Variants in SLC8A1 observed in about 807,000 individuals in gnomAD.
SLC8A1 encodes sodium/calcium exchanger 1.
In SLC8A1, 18 loss-of-function variants were observed where a neutral mutation model predicts 68.3. The ratio of observed to expected loss-of-function variants is 0.26; its 90% confidence interval spans 0.18 to 0.39. The LOEUF is 0.39. Among genes scored for constraint, SLC8A1 ranks in the 10% least tolerant of loss-of-function variants. The pLI is 1.00. For missense variants in SLC8A1, 985 were observed against 1,156.7 expected (o/e 0.85, Z 2.15); for synonymous variants, 475 against 415.5 (o/e 1.14, Z -1.74).
intron 2 of SLC8A1, among the ~76,000 whole-genome samples, chr2:40,239,609 A>G (rs1286843825): frequency 6.6e-6 from 1 of 152,198 alleles, no homozygotes; most frequent in East Asian, 1.9e-4. Flanking sequence ...CGTGAAATAC[A>G]GCCCTCTCTG....
intron 7 of SLC8A1, among the ~76,000 whole-genome samples, chr2:40,130,501 G>A (rs1230521831): frequency 3.3e-5 from 5 of 152,246 alleles, no homozygotes; most frequent in African/African-American, 4.8e-5. Context: ...GGGCTGTCCC[G>A]TGCTGCCCGT....
chr2:40,237,977 T>A (rs62148830), intron 2 of SLC8A1, among the ~76,000 whole-genome samples: 67,719 of 151,570 alleles, frequency 0.45, 16,520 homozygotes, highest in Non-Finnish European at 0.55. Flanking sequence ...GATCTCCAGC[T>A]GCGTGCTGGG....
chr2:40,434,360 T>C lies in SLC8A1; in HGVS notation c.-24-4056A>G, dbSNP rs77065113. On this transcript the variant is annotated intron_variant, in intron 1 of 7. Coordinates refer to ENST00000406785, the Ensembl canonical transcript of SLC8A1. ...ACTTAAATTTCTTTTTCTTATTAAA[T>C]TAATACCAAATTCAAATGCCCACGA... 1.6e-4 allele frequency among the ~76,000 whole-genome samples: 24 copies of C among 152,306 alleles called. No individual in the cohort carries two copies. The East Asian group carries it at 2.3e-3, about 15-fold the overall frequency.
At chr2:40,355,343 G>T (rs1672345298) in intron 2 of SLC8A1, among the ~76,000 whole-genome samples, 1 of 152,130 alleles carries the variant, frequency 6.6e-6, no homozygotes, top group African/African-American at 2.4e-5. Context: ...TCTGTAAAGT[G>T]GGGTACTCTA....
At chr2:40,505,314 T>C (rs1706303158) in intron 1 of SLC8A1, among the ~76,000 whole-genome samples, 1 of 151,886 alleles carries the variant, frequency 6.6e-6, no homozygotes, top group South Asian at 2.1e-4. Flanking sequence ...ACAATTTAAT[T>C]GTACATTTTA....
chr2:40,458,468 T>C (rs1426676097), intron 1 of SLC8A1, among the ~76,000 whole-genome samples: 1 of 151,062 alleles, frequency 6.6e-6, no homozygotes, highest in African/African-American at 2.4e-5. Flanking sequence ...CTGGTGTAGA[T>C]GGAAAGAAGG....
chr2:40,218,125 T>C (rs2057768757), intron 2 of SLC8A1, among the ~76,000 whole-genome samples: 1 of 152,186 alleles, frequency 6.6e-6, no homozygotes, highest in Non-Finnish European at 1.5e-5. Context: ...ACTGTAAGAC[T>C]GGCATTGTTA....
intron 2 of SLC8A1, among the ~76,000 whole-genome samples, chr2:40,420,047 T>C (rs1161326423): frequency 6.6e-6 from 1 of 152,160 alleles, no homozygotes; most frequent in Non-Finnish European, 1.5e-5. Flanking sequence ...TCATGTGATT[T>C]TAGGTAGAAT....
At chr2:40,416,862 C>T (rs913798219) in intron 2 of SLC8A1, among the ~76,000 whole-genome samples, 1 of 151,972 alleles carries the variant, frequency 6.6e-6, no homozygotes, top group Non-Finnish European at 1.5e-5. Context: ...CCAGCAACTA[C>T]TTTTGCACCA....
intron 1 of SLC8A1, among the ~76,000 whole-genome samples, chr2:40,431,627 C>T (rs543242945): frequency 6.6e-6 from 1 of 152,248 alleles, no homozygotes; most frequent in South Asian, 2.1e-4. Context: ...TCTCCCAGGC[C>T]TTGCAGGATG....
intron 2 of SLC8A1, among the ~76,000 whole-genome samples, chr2:40,321,441 A>G (rs1397683459): frequency 6.6e-6 from 1 of 152,144 alleles, no homozygotes; most frequent in East Asian, 1.9e-4. Flanking sequence ...GGCTCTCAGT[A>G]ACGCATGGGG....
intron 2 of SLC8A1, among the ~76,000 whole-genome samples, chr2:40,342,200 A>G (rs967570636): frequency 2.0e-5 from 3 of 152,128 alleles, no homozygotes; most frequent in African/African-American, 7.2e-5. Flanking sequence ...TTATGGCCCT[A>G]TAGATATTAA....
chr2:40,486,386 G>A (rs975736346), intron 1 of SLC8A1, among the ~76,000 whole-genome samples: 3 of 152,176 alleles, frequency 2.0e-5, no homozygotes, highest in Non-Finnish European at 2.9e-5. Context: ...GATATCCTCT[G>A]CTTCAGTATG....
intron 2 of SLC8A1, among the ~76,000 whole-genome samples, chr2:40,246,983 A>G (rs2061963229): frequency 6.6e-6 from 1 of 152,194 alleles, no homozygotes; most frequent in Non-Finnish European, 1.5e-5. Context: ...GGATTCTTTC[A>G]TCTTTTCTTA....
At chr2:40,369,054 C>T (rs990761174) in intron 2 of SLC8A1, among the ~76,000 whole-genome samples, 4 of 152,052 alleles carry the variant, frequency 2.6e-5, no homozygotes, top group African/African-American at 9.7e-5. Context: ...GGATTAAAGA[C>T]TTAAATGTAA....
intron 2 of SLC8A1, among the ~76,000 whole-genome samples, chr2:40,189,386 T>A (rs576809209): frequency 3.0e-4 from 46 of 152,344 alleles, no homozygotes; most frequent in African/African-American, 1.1e-3. Flanking sequence ...AGTGGTGCAA[T>A]CTCGGCTCAC....
At chr2:40,165,886 T>C (rs960127999) in intron 4 of SLC8A1, among the ~76,000 whole-genome samples, 2 of 152,202 alleles carry the variant, frequency 1.3e-5, no homozygotes, top group Non-Finnish European at 2.9e-5. Context: ...GGGCAAACAC[T>C]GGTCCTATAA....
At chr2:40,361,425 TA>T (rs34682487) in intron 2 of SLC8A1, among the ~76,000 whole-genome samples, 1 of 143,130 alleles carries the variant, frequency 7.0e-6, no homozygotes, top group Non-Finnish European at 1.5e-5. Flanking sequence ...TCCAATACTT[TA>T]AAATTGTTAT....
At chr2:40,349,226 G>GA (rs1487644238) in intron 2 of SLC8A1, among the ~76,000 whole-genome samples, 1 of 152,028 alleles carries the variant, frequency 6.6e-6, no homozygotes, top group African/African-American at 2.4e-5. Context: ...TGTCAAGTCT[G>GA]AAAAAAACCG....
Sources: allele counts gnomAD v4.1 joint callset (sites outside exome capture counted in the v4.1 genomes callset), GRCh38; gene constraint gnomAD v4.1.1; transcripts MANE v1.5; gene names NCBI Gene and HGNC (gene_info 2026-07-23, HGNC 2026-07-21).